The following LIPK variants were observed in gnomAD, a reference collection of about 807,000 sequenced individuals.
LIPK encodes lipase member K.
Under a neutral mutation model 48.6 loss-of-function variants are expected in LIPK, and 32 were observed. The ratio of observed to expected loss-of-function variants is 0.66; its 90% CI spans 0.50 to 0.88. The LOEUF is 0.88. Ranked by LOEUF, LIPK falls within the 40% of genes least tolerant of loss-of-function variation. The pLI, the probability that LIPK is intolerant of heterozygous loss-of-function variation, is 0.00. For synonymous variants in LIPK, 164 were observed against 157.4 expected, an observed-to-expected ratio of 1.04 and a Z score of -0.32; for missense variants, 507 against 478.5, an observed-to-expected ratio of 1.06 and a Z score of -0.56.
rs568710668 is a variant in LIPK at position 88,723,939 on chromosome 10, G to A, written c.-11-594G>A. On this transcript the variant is annotated intron_variant, in intron 1 of 9. Transcript: ENST00000404190. ...CCATTTTTTCTCACCCATAATTTAG[G>A]TCAACAGTCTCTTACTTTGGGAAAT... is the stretch of plus-strand genomic sequence containing the variant. Among the ~76,000 whole-genome samples the A allele has an allele frequency of 2.6e-5, 4 of 151,982 alleles. No individual in the cohort carries two copies. In the South Asian group the frequency reaches 8.3e-4, roughly 32 times the overall value.
chr10:88,720,497 G>C (rs1287755539), intron 1 of LIPK, among the ~76,000 whole-genome samples: 1 of 152,012 alleles, frequency 6.6e-6, no homozygotes, highest in Non-Finnish European at 1.5e-5. Context: ...TAACAAACCT[G>C]CACATCTACC....
At chr10:88,710,267 T>C (rs925570590) in intron 1 of LIPK, among the ~76,000 whole-genome samples, 4 of 152,168 alleles carry the variant, frequency 2.6e-5, no homozygotes, top group Non-Finnish European at 5.9e-5. Flanking sequence ...CTTTTTAGCA[T>C]GTATTTATTG....
At chr10:88,707,080 A>G (rs773015723) in intron 1 of LIPK, among the ~76,000 whole-genome samples, 5 of 152,192 alleles carry the variant, frequency 3.3e-5, no homozygotes, top group Non-Finnish European at 5.9e-5. Context: ...TCTATGTGTC[A>G]AAGCCAAACT....
chr10:88,729,218 A>G (rs1826337911), intron 3 of LIPK, among the ~76,000 whole-genome samples: 2 of 115,240 alleles, frequency 1.7e-5, no homozygotes, highest in Non-Finnish European at 3.2e-5. Flanking sequence ...TAAAGAGCCA[A>G]TTCTAGCTCC....
intron 4 of LIPK, among the ~76,000 whole-genome samples, chr10:88,731,406 TGTGA>T (rs1363189373): frequency 2.0e-5 from 3 of 152,188 alleles, no homozygotes; most frequent in Non-Finnish European, 4.4e-5. Flanking sequence ...GGTGTCTGCG[TGTGA>T]GTGAGTGTGT....
rs766954975 is a variant in LIPK, at chr10:88,724,657, T to C, written c.105+9T>C. The C allele has an allele frequency of 6.8e-7, 1 of 1,461,782 alleles. No homozygotes were observed. The highest frequency in any genetic ancestry group is 1.3e-5 in the South Asian group (1 of 79,654). 90.6% of individuals were successfully genotyped at this position (1,461,782 alleles called of 1,614,324 possible). On this transcript the variant is annotated intron_variant, in intron 2 of 9. Coordinates refer to ENST00000404190, the MANE Select transcript of LIPK (RefSeq NM_001080518.2). The stretch of plus-strand genomic sequence containing the variant: ...AAGCTAATATGAATATTGTAAGTCA[T>C]TTATTCAGAAAAAAATGCTAAAATA...
At chr10:88,724,758 A>C in intron 2 of LIPK, 110 bp downstream of exon 2, 1 of 681,130 alleles carries the variant, frequency 1.5e-6, no homozygotes, top group Non-Finnish European at 2.4e-6. Flanking sequence ...TCCAGTGACT[A>C]AGTCTGTGCT....
At chr10:88,726,086 C>T (rs369573751) in intron 2 of LIPK, among the ~76,000 whole-genome samples, 31 of 151,902 alleles carry the variant, frequency 2.0e-4, no homozygotes, top group African/African-American at 7.2e-4. Context: ...TGCTTCCTCC[C>T]CTCTTCTTTC....
chr10:88,714,599 T>A (rs1434400519), intron 1 of LIPK, among the ~76,000 whole-genome samples: 1 of 152,190 alleles, frequency 6.6e-6, no homozygotes, highest in Non-Finnish European at 1.5e-5. Flanking sequence ...GTTCTTTTTC[T>A]TCTGGAAATG....
chr10:88,736,532 G>T (rs2134755461), intron 6 of LIPK, among the ~76,000 whole-genome samples: 1 of 151,914 alleles, frequency 6.6e-6, no homozygotes, highest in African/African-American at 2.4e-5. Flanking sequence ...AATTTAAATA[G>T]ATTGTCACAC....
At chr10:88,714,852 GTTTA>G (rs1362869161) in intron 1 of LIPK, among the ~76,000 whole-genome samples, 3 of 151,746 alleles carry the variant, frequency 2.0e-5, no homozygotes, top group African/African-American at 7.3e-5. Context: ...TCTCTAATAT[GTTTA>G]TTTATTTTAT....
Position 88,752,615 on chromosome 10 carries a change from T to C in LIPK, c.1059T>C (p.Asn353=), listed in dbSNP as rs576137758. ...DIVADPKDVE[N]LLPQIANLIY... ...TGGCTGATCCCAAGGATGTTGAAAA[T>C]TTACTTCCTCAAATTGCTAACCTTA... Residue 353 remains asparagine (N), a synonymous_variant, in exon 10 of 10, where the codon AAT becomes AAC. Coordinates refer to ENST00000404190, the MANE Select transcript of LIPK (RefSeq NM_001080518.2). The C allele has an allele frequency of 6.4e-7, 1 of 1,572,560 alleles. No individual in the cohort carries two copies. The highest frequency in any genetic ancestry group is 8.6e-7 in the Non-Finnish European group (1 of 1,156,648).
chr10:88,733,321 T>G (rs1842506832), intron 6 of LIPK, among the ~76,000 whole-genome samples: 1 of 152,242 alleles, frequency 6.6e-6, no homozygotes, highest in African/African-American at 2.4e-5. Flanking sequence ...TGGGTTGGTG[T>G]GTTTTCTTCT....
At chr10:88,751,011 T>C (rs1049285781) in intron 9 of LIPK, among the ~76,000 whole-genome samples, 8 of 152,350 alleles carry the variant, frequency 5.3e-5, no homozygotes, top group Non-Finnish European at 1.0e-4. Context: ...TTCTTTAGGA[T>C]GTCATTTACT....
intron 3 of LIPK, among the ~76,000 whole-genome samples, chr10:88,729,255 G>GT (rs1554955641): frequency 8.1e-6 from 1 of 123,226 alleles, no homozygotes; most frequent in Non-Finnish European, 1.8e-5. Context: ...TATCTGTTGG[G>GT]GGGGGGGGGC....
chr10:88,713,075 G>A (rs983498987), intron 1 of LIPK, among the ~76,000 whole-genome samples: 1 of 152,194 alleles, frequency 6.6e-6, no homozygotes, highest in African/African-American at 2.4e-5. Context: ...AGGAGACACA[G>A]TATAGAGAGG....
At chr10:88,734,114 T>C (rs1249079106) in intron 6 of LIPK, among the ~76,000 whole-genome samples, 3 of 152,176 alleles carry the variant, frequency 2.0e-5, no homozygotes, top group African/African-American at 7.2e-5. Flanking sequence ...ATAGTACCAA[T>C]AGAAGAACTG....
intron 2 of LIPK, among the ~76,000 whole-genome samples, chr10:88,726,241 G>A (rs1399673204): frequency 3.3e-5 from 5 of 152,180 alleles, no homozygotes; most frequent in African/African-American, 9.7e-5. Flanking sequence ...CAAAACCAGA[G>A]TGTCCTGAGC....
intron 3 of LIPK, among the ~76,000 whole-genome samples, chr10:88,730,778 A>G (rs1008816649): frequency 1.3e-5 from 2 of 152,198 alleles, no homozygotes; most frequent in Non-Finnish European, 2.9e-5. Context: ...ATTGTATATA[A>G]TCCCTTACAA....
Sources: gnomAD v4.1 joint callset for allele counts (sites outside exome capture counted in the v4.1 genomes callset) on GRCh38, gnomAD v4.1.1 for gene constraint, MANE v1.5 for transcripts, NCBI Gene and HGNC (gene_info 2026-07-23, HGNC 2026-07-21) for gene names.